Variants in RBM27 observed in about 807,000 individuals in gnomAD.
The protein encoded by RBM27 is RNA-binding protein 27.
A neutral mutation model predicts 135.3 loss-of-function variants in RBM27; 22 were observed. The observed-to-expected ratio is 0.16, with a 90% confidence interval of 0.12 to 0.23. RBM27 has a LOEUF of 0.23. Ranked by LOEUF, RBM27 falls within the 10% of genes least tolerant of loss-of-function variation. The probability of loss-of-function intolerance (pLI) is 1.00; values close to 1 mark genes in which losing one functional copy is unlikely to be tolerated. For synonymous variants in RBM27, 481 were observed against 442.4 expected (o/e 1.09, Z -1.10); for missense variants, 1,009 against 1,281.0 (o/e 0.79, Z 3.24).
chr5:146,221,439 G>A (rs1561528547), intron 2 of RBM27, among the ~76,000 whole-genome samples: 1 of 151,908 alleles, frequency 6.6e-6, no homozygotes, highest in Non-Finnish European at 1.5e-5. Context: ...CAGAGAAATT[G>A]ATTTTTTTTT....
At position 146,267,784 on chromosome 5, in the gene RBM27, C is replaced by T; in HGVS notation, c.2451+16C>T. ...AAAAAAACAGGTAACAGTCTTGATT[C>T]TTCTTGCCTTACAGAAGAAAAGATG... On this transcript the variant is annotated intron_variant, in intron 15 of 20. Transcript: ENST00000265271. 6.3e-7 allele frequency: 1 copy of T among 1,595,364 alleles called. No homozygotes were observed. Among genetic ancestry groups the T allele is most frequent in the Non-Finnish European group, 8.5e-7 (1 of 1,174,294 alleles).
chr5:146,248,437 A>C (rs775534762), intron 8 of RBM27, among the ~76,000 whole-genome samples: 18 of 152,082 alleles, frequency 1.2e-4, no homozygotes, highest in Non-Finnish European at 2.4e-4. Context: ...AAGTCAGGCT[A>C]CATTTGGATT....
At chr5:146,269,079 GT>G (rs1758748544) in intron 15 of RBM27, 127 bp from the exon 16 acceptor site, 1 of 553,594 alleles carries the variant, frequency 1.8e-6, no homozygotes, top group African/African-American at 1.9e-5. Context: ...ATATTCAAAG[GT>G]TTCATCTATG....
chr5:146,229,754 G>A lies in RBM27; in HGVS notation c.433G>A (p.Asp145Asn), dbSNP rs368570355. ...EKKREDGKWR[D>N]YDRYYERNEL... ...AAAAAGAGAAGACGGGAAATGGAGA[G>A]ACTATGACCGGTACTATGAGCGGAA... Residue 145 changes from aspartate (D) to asparagine (N), a missense_variant, in exon 5 of 21, where the codon GAC becomes AAC. By Grantham distance (23) the Asp-to-Asn change is conservative (BLOSUM62 1). This residue lies in a region of RBM27 where 268 missense variants were observed against 326.6 expected (regional missense o/e 0.82). Transcript: ENST00000265271. 2.4e-5 allele frequency: 38 copies of A among 1,612,010 alleles called. No individual in the cohort carries two copies. The African/African-American group carries it at 4.3e-4, about 18-fold the overall frequency.
rs763323804 is a variant in RBM27 at position 146,203,844 on chromosome 5, C to T, written c.59+20C>T. 2.0e-5 allele frequency: 27 copies of T among 1,356,846 alleles called. No homozygotes were observed. Among genetic ancestry groups the T allele is most frequent in the Non-Finnish European group, 2.3e-5 (24 of 1,025,764 alleles). The allele number at this position is 1,356,846 out of a possible 1,614,324, so 84.1% of individuals were successfully genotyped here. ...GCCGATGTGAGTGAGCCGGGCTGGGCCGGGGCCGGCGAACGTGGGCGTTGG... is the reference window on the plus strand; with the variant it reads ...GCCGATGTGAGTGAGCCGGGCTGGGTCGGGGCCGGCGAACGTGGGCGTTGG... On this transcript the variant is annotated intron_variant, in intron 1 of 20. Coordinates refer to ENST00000265271, the MANE Select transcript of RBM27 (RefSeq NM_018989.2).
chr5:146,229,166 C>T, intron 4 of RBM27, 129 bp downstream of exon 4: 1 of 641,124 alleles, frequency 1.6e-6, no homozygotes, highest in East Asian at 2.9e-5. Flanking sequence ...AAAGATGTTA[C>T]CTTTCTTCCT....
In RBM27 at chr5:146,233,719, C is replaced by T; in HGVS notation, c.1120C>T (p.Pro374Ser). The change falls in exon 7 of 21, where the codon CCA becomes TCA. Residue 374 changes from proline (P) to serine (S), a missense_variant. Transcript: ENST00000265271. ...TCCCCAAGGACATGGTCAGCCTCCACCATCCGTTGTGCTTCCCATACCAAG... is the reference window on the plus strand; with the variant it reads ...TCCCCAAGGACATGGTCAGCCTCCATCATCCGTTGTGCTTCCCATACCAAG... ...PVPQGHGQPP[P>S]SVVLPIPRPP... 6.9e-7 allele frequency: 1 copy of T among 1,458,392 alleles called. No homozygotes were observed. Among genetic ancestry groups the T allele is most frequent in the East Asian group, 2.5e-5 (1 of 40,428 alleles). 90.3% of individuals were successfully genotyped at this position (1,458,392 alleles called of 1,614,324 possible).
At chr5:146,269,683 C>A in intron 17 of RBM27, 99 bp downstream of exon 17, 1 of 707,706 alleles carries the variant, frequency 1.4e-6, no homozygotes, top group Non-Finnish European at 2.0e-6. Context: ...AGCTAATATC[C>A]TAACAGGGAT....
chr5:146,228,918 C>G (rs754289155), intron 3 of RBM27, 28 bp from the exon 4 acceptor site: 7 of 1,599,558 alleles, frequency 4.4e-6, no homozygotes, highest in Non-Finnish European at 2.6e-6. Flanking sequence ...TGGCCCTGCT[C>G]TTACTTCTAC....
At chr5:146,222,004 A>C (rs1756481035) in intron 2 of RBM27, among the ~76,000 whole-genome samples, 1 of 152,128 alleles carries the variant, frequency 6.6e-6, no homozygotes, top group Non-Finnish European at 1.5e-5. Context: ...GTAGATGTTT[A>C]TCTTTGCTTT....
At position 146,219,119 on chromosome 5, in the gene RBM27, C is replaced by A; in HGVS notation, c.178+16C>A. On this transcript the variant is annotated intron_variant, in intron 2 of 20. Coordinates refer to ENST00000265271, the MANE Select transcript of RBM27 (RefSeq NM_018989.2). ...TTACAAAAAGGTAATTATTATGGGC[C>A]TTCAATCGAGTATTGAAGTAAAGAT... The A allele has an allele frequency of 2.0e-6, 3 of 1,515,438 alleles. No individual in the cohort carries two copies. The highest frequency in any genetic ancestry group is 2.3e-5 in the East Asian group (1 of 44,278). The allele number at this position is 1,515,438 out of a possible 1,614,324, so 93.9% of individuals were successfully genotyped here. A position where few individuals can be genotyped will look rare whatever the true frequency, so the allele number is the denominator to read the frequency against.
intron 10 of RBM27, among the ~76,000 whole-genome samples, chr5:146,256,303 TTATTTATATATATA>T (rs1162267268): frequency 6.8e-6 from 1 of 147,012 alleles, no homozygotes; most frequent in East Asian, 1.9e-4. Flanking sequence ...TATATATATA[TTATTTATATATATA>T]TTTTTATATA....
intron 9 of RBM27, 119 bp downstream of exon 9, chr5:146,251,994 G>A: frequency 1.7e-6 from 2 of 1,159,372 alleles, no homozygotes; most frequent in Admixed American, 2.2e-5. Flanking sequence ...AAGCTCATAG[G>A]TAGTTTTATT....
intron 17 of RBM27, among the ~76,000 whole-genome samples, 170 bp downstream of exon 17, chr5:146,269,754 T>TC (rs1441241516): frequency 6.7e-6 from 1 of 149,900 alleles, no homozygotes; most frequent in East Asian, 1.9e-4. Flanking sequence ...TTTTTTTTTT[T>TC]TTTTTTTTTT....
chr5:146,210,096 T>C (rs1341764171), intron 1 of RBM27, among the ~76,000 whole-genome samples: 1 of 152,230 alleles, frequency 6.6e-6, no homozygotes, highest in Non-Finnish European at 1.5e-5. Context: ...ATTATTTGTT[T>C]TCGTATCCAC....
chr5:146,220,601 T>G (rs902668984), intron 2 of RBM27, among the ~76,000 whole-genome samples: 1 of 151,748 alleles, frequency 6.6e-6, no homozygotes, highest in African/African-American at 2.4e-5. Context: ...TCATTTAAAA[T>G]AAGTATTTAC....
intron 1 of RBM27, among the ~76,000 whole-genome samples, chr5:146,208,542 T>C (rs974196789): frequency 9.9e-5 from 15 of 152,238 alleles, no homozygotes; most frequent in African/African-American, 2.7e-4. Context: ...GCTGCATGAA[T>C]AGACTAGACT....
In RBM27 at chr5:146,254,978, C is replaced by T. The variant is rs757644779; in HGVS notation, c.1480C>T (p.Pro494Ser). Residue 494 changes from proline (P) to serine (S), a missense_variant, in exon 10 of 21, where the codon CCT becomes TCT. Around this residue, in one of 6 missense-constraint regions of RBM27, gnomAD observed 329 missense variants for 368.1 expected, o/e 0.89. Transcript: ENST00000265271. ...ACCAGATGGTTACAACCCAGAAGCT[C>T]CTAGTATTACTAGTTCTGGTAGATC... is the stretch of plus-strand genomic sequence containing the variant. ...YEPDGYNPEAPSITSSGRSQY... is the reference protein window; with the variant it reads ...YEPDGYNPEASSITSSGRSQY... 1 of 1,596,636 alleles carries T rather than the reference C, an allele frequency of 6.3e-7. No individual in the cohort carries two copies. The highest frequency in any genetic ancestry group is 1.1e-5 in the South Asian group (1 of 90,164).
At chr5:146,262,935 C>T (rs532589918) in intron 13 of RBM27, among the ~76,000 whole-genome samples, 2 of 149,274 alleles carry the variant, frequency 1.3e-5, no homozygotes, top group African/African-American at 5.0e-5. Flanking sequence ...GTCATTCAGG[C>T]TAGAGTGCAG....
Sources: gnomAD v4.1 joint callset for allele counts (sites outside exome capture counted in the v4.1 genomes callset) on GRCh38, gnomAD v4.1.1 for gene constraint, gnomAD v4.1.1 regional missense constraint, MANE v1.5 for transcripts, NCBI Gene and HGNC (gene_info 2026-07-23, HGNC 2026-07-21) for gene names.